UNC5C: variants seen among roughly 807,000 people sequenced by gnomAD.
UNC5C encodes the protein unc-5 netrin receptor C.
A neutral mutation model predicts 99.8 loss-of-function variants in UNC5C; 47 were observed. The observed-to-expected ratio is 0.47, with a 90% CI of 0.37 to 0.60. The LOEUF is 0.60. Among genes scored for constraint, UNC5C ranks in the 20% least tolerant of loss-of-function variants. The pLI is 0.00. For synonymous variants in UNC5C, 487 were observed against 452.2 expected (o/e 1.08, Z -0.98); for missense variants, 1,062 against 1,165.9 (o/e 0.91, Z 1.30).
At chr4:95,466,784 C>A (rs578112008) in intron 1 of UNC5C, among the ~76,000 whole-genome samples, 25 of 152,220 alleles carry the variant, frequency 1.6e-4, no homozygotes, top group African/African-American at 6.0e-4. Flanking sequence ...GAGATATTTT[C>A]TTTCTTAAGA....
chr4:95,335,847 G>A (rs1743317777), intron 1 of UNC5C, among the ~76,000 whole-genome samples: 1 of 151,842 alleles, frequency 6.6e-6, no homozygotes, highest in Non-Finnish European at 1.5e-5. Flanking sequence ...ACATCAGGGA[G>A]GATAAGTAAG....
rs368284839 is a variant in UNC5C, at chr4:95,170,274, G to T, written c.2510C>A (p.Thr837Lys). ...AGGGATGCTGAAAGCACTGGGCCCC[G>T]TGACCGTGGTGATGGTGTTCGCAGG... ...LDPANTITTV[T>K]GPSAFSIPLP... The change falls in exon 15 of 16, where the codon ACG becomes AAG. Residue 837 changes from threonine (T) to lysine (K), a missense_variant. Coordinates refer to ENST00000453304, the MANE Select transcript of UNC5C (RefSeq NM_003728.4). The T allele has an allele frequency of 1.2e-5, 20 of 1,614,038 alleles. No individual in the cohort carries two copies. In the East Asian group the frequency reaches 4.2e-4, roughly 34 times the overall value.
intron 5 of UNC5C, among the ~76,000 whole-genome samples, chr4:95,250,253 ATGCC>A (rs1267888834): frequency 2.0e-5 from 3 of 152,118 alleles, no homozygotes; most frequent in Non-Finnish European, 4.4e-5. Flanking sequence ...ATGGTGGTAC[ATGCC>A]TGTAATACCA....
intron 13 of UNC5C, among the ~76,000 whole-genome samples, chr4:95,184,825 T>C (rs1736764908): frequency 2.0e-5 from 3 of 152,156 alleles, no homozygotes; most frequent in Non-Finnish European, 4.4e-5. Context: ...TTATTAAAAA[T>C]AAAACAATGA....
chr4:95,394,593 A>G (rs1191446234), intron 1 of UNC5C, among the ~76,000 whole-genome samples: 2 of 151,992 alleles, frequency 1.3e-5, no homozygotes, highest in Non-Finnish European at 2.9e-5. Context: ...ACATAAAGCA[A>G]GAAAGGTGAC....
intron 1 of UNC5C, among the ~76,000 whole-genome samples, chr4:95,373,166 T>G (rs1433836251): frequency 6.6e-6 from 1 of 152,046 alleles, no homozygotes. Context: ...AACGCAACTA[T>G]CCCGCAACAG....
At chr4:95,231,709 C>T (rs1196909351) in intron 7 of UNC5C, among the ~76,000 whole-genome samples, 2 of 152,104 alleles carry the variant, frequency 1.3e-5, no homozygotes, top group Admixed American at 6.5e-5. Flanking sequence ...TTCTTTTATC[C>T]TTTAAGGTCA....
chr4:95,334,278 C>T (rs1374326200), intron 2 of UNC5C, among the ~76,000 whole-genome samples: 2 of 151,890 alleles, frequency 1.3e-5, no homozygotes, highest in Admixed American at 6.6e-5. Flanking sequence ...CTCTACTTGT[C>T]TCTGGTTAAT....
At chr4:95,338,903 C>T (rs1449753141) in intron 1 of UNC5C, among the ~76,000 whole-genome samples, 2 of 151,802 alleles carry the variant, frequency 1.3e-5, no homozygotes, top group Non-Finnish European at 2.9e-5. Flanking sequence ...GTTCAAGATC[C>T]CTGATTAAAA....
intron 1 of UNC5C, among the ~76,000 whole-genome samples, chr4:95,373,250 T>C (rs1187032863): frequency 1.3e-5 from 2 of 152,072 alleles, no homozygotes; most frequent in Non-Finnish European, 2.9e-5. Context: ...CTTTCCATGG[T>C]TTCATTTTAC....
chr4:95,431,753 G>C (rs1359076647), intron 1 of UNC5C, among the ~76,000 whole-genome samples: 1 of 152,048 alleles, frequency 6.6e-6, no homozygotes, highest in Non-Finnish European at 1.5e-5. Flanking sequence ...GTGTATTCAA[G>C]AGAAGTACCT....
chr4:95,388,586 C>T (rs776073767), intron 1 of UNC5C, among the ~76,000 whole-genome samples: 1 of 152,160 alleles, frequency 6.6e-6, no homozygotes, highest in Non-Finnish European at 1.5e-5. Context: ...TTCTTCTTAA[C>T]TCCTGGTGAT....
intron 12 of UNC5C, among the ~76,000 whole-genome samples, chr4:95,195,876 G>A (rs116006342): frequency 1.3e-5 from 2 of 150,722 alleles, no homozygotes; most frequent in African/African-American, 4.9e-5. Flanking sequence ...TCCAAGGAAG[G>A]TCTTCTCCAT....
chr4:95,332,217 C>A (rs1195156022), intron 2 of UNC5C, among the ~76,000 whole-genome samples: 1 of 152,034 alleles, frequency 6.6e-6, no homozygotes, highest in African/African-American at 2.4e-5. Flanking sequence ...TTGGAAAAAA[C>A]TACTTTAAAG....
intron 2 of UNC5C, among the ~76,000 whole-genome samples, chr4:95,329,733 A>G (rs1245408631): frequency 6.6e-6 from 1 of 152,208 alleles, no homozygotes; most frequent in Non-Finnish European, 1.5e-5. Context: ...ATATAGCCAC[A>G]GATACTATAA....
At chr4:95,495,808 C>T (rs1191854652) in intron 1 of UNC5C, among the ~76,000 whole-genome samples, 4 of 151,490 alleles carry the variant, frequency 2.6e-5, no homozygotes, top group Non-Finnish European at 1.5e-5. Context: ...ACTCTGTCGA[C>T]TACAGAAGCA....
intron 1 of UNC5C, among the ~76,000 whole-genome samples, chr4:95,356,224 A>AAAAAAAAAAAAAAC (rs1560801873): frequency 3.1e-5 from 4 of 127,498 alleles, no homozygotes; most frequent in African/African-American, 3.2e-5. Flanking sequence ...AAAACAAAAA[A>AAAAAAAAAAAAAAC]AAAACAGATT....
intron 5 of UNC5C, among the ~76,000 whole-genome samples, chr4:95,250,038 G>T (rs576386366): frequency 3.9e-5 from 6 of 152,252 alleles, no homozygotes; most frequent in Non-Finnish European, 8.8e-5. Context: ...GGTGGTGCAG[G>T]TTCTGGAGAG....
chr4:95,395,616 C>G (rs990103045), intron 1 of UNC5C, among the ~76,000 whole-genome samples: 1 of 152,098 alleles, frequency 6.6e-6, no homozygotes, highest in Non-Finnish European at 1.5e-5. Flanking sequence ...AAGTTTTCAT[C>G]TATATTACTA....
Sources: allele counts gnomAD v4.1 joint callset (sites outside exome capture counted in the v4.1 genomes callset), GRCh38; gene constraint gnomAD v4.1.1; transcripts MANE v1.5; gene names NCBI Gene and HGNC (gene_info 2026-07-23, HGNC 2026-07-21).